VPS13A: variants seen among roughly 807,000 people sequenced by gnomAD.
VPS13A encodes vacuolar protein sorting 13 homolog A, also known as intermembrane lipid transfer protein VPS13A.
In VPS13A, 264 loss-of-function variants were observed where a neutral mutation model predicts 390.9. The observed-to-expected ratio is 0.68, with a 90% confidence interval of 0.61 to 0.75. The LOEUF is 0.75. Ranked by LOEUF, VPS13A falls within the 30% of genes least tolerant of loss-of-function variation. The probability of loss-of-function intolerance (pLI) is 0.00; values close to 1 mark genes in which losing one functional copy is unlikely to be tolerated. For missense variants in VPS13A, 3,409 were observed against 3,733.9 expected (o/e 0.91, Z 2.27); for synonymous variants, 1,231 against 1,227.1 (o/e 1.00, Z -0.07).
chr9:77,286,756 G>A (rs796854740), intron 31 of VPS13A, among the ~76,000 whole-genome samples: 7 of 152,298 alleles, frequency 4.6e-5, no homozygotes, highest in African/African-American at 1.7e-4. Context: ...TGGGTTCTCA[G>A]ATTGAGAGTA....
chr9:77,298,500 A>G (rs1010090588), intron 33 of VPS13A, among the ~76,000 whole-genome samples: 1 of 152,158 alleles, frequency 6.6e-6, no homozygotes, highest in Admixed American at 6.5e-5. Context: ...TCCTGCTGAT[A>G]TTGTTAACCA....
chr9:77,232,199 C>T (rs542621572), intron 17 of VPS13A, among the ~76,000 whole-genome samples: 1 of 152,262 alleles, frequency 6.6e-6, no homozygotes, highest in South Asian at 2.1e-4. Flanking sequence ...TGGGAAGTGT[C>T]TTCCCTATTT....
At chr9:77,273,175 A>T (rs971042546) in intron 23 of VPS13A, 105 bp from the exon 24 acceptor site, 13 of 848,190 alleles carry the variant, frequency 1.5e-5, no homozygotes, top group Non-Finnish European at 5.7e-6. Flanking sequence ...TTCAAATTGG[A>T]TAGCTTTTTG....
chr9:77,253,885 C>T (rs1403155934), intron 22 of VPS13A, among the ~76,000 whole-genome samples: 1 of 150,162 alleles, frequency 6.7e-6, no homozygotes, highest in Non-Finnish European at 1.5e-5. Context: ...ATCTTTGATC[C>T]ATTGAGTTAA....
At chr9:77,220,754 A>G (rs1823165944) in intron 12 of VPS13A, among the ~76,000 whole-genome samples, 1 of 152,054 alleles carries the variant, frequency 6.6e-6, no homozygotes, top group African/African-American at 2.4e-5. Flanking sequence ...TTAAACCTGT[A>G]TTTTAAAAGC....
intron 23 of VPS13A, among the ~76,000 whole-genome samples, chr9:77,264,533 A>G (rs1451665658): frequency 1.3e-5 from 2 of 152,038 alleles, no homozygotes; most frequent in Non-Finnish European, 2.9e-5. Context: ...TTGGATTCCT[A>G]GGTTATTTTA....
intron 24 of VPS13A, among the ~76,000 whole-genome samples, chr9:77,275,027 A>G (rs763924480): frequency 3.9e-5 from 6 of 152,104 alleles, no homozygotes; most frequent in Admixed American, 6.5e-5. Flanking sequence ...TATGTATACA[A>G]AGTAGTGCTT....
chr9:77,409,074 G>A (rs1376753739), intron 71 of VPS13A, among the ~76,000 whole-genome samples: 2 of 152,198 alleles, frequency 1.3e-5, no homozygotes, highest in African/African-American at 2.4e-5. Context: ...ACCTCACACG[G>A]CCAGGTACTC....
intron 52 of VPS13A, among the ~76,000 whole-genome samples, chr9:77,349,882 G>A (rs998986944): frequency 7.2e-5 from 11 of 152,094 alleles, no homozygotes; most frequent in Non-Finnish European, 1.5e-4. Flanking sequence ...GACCTCAGGT[G>A]ATCCACCTGC....
At chr9:77,379,065 CTTTTTTTTTTT>C (rs71503211) in intron 67 of VPS13A, among the ~76,000 whole-genome samples, 1 of 72,364 alleles carries the variant, frequency 1.4e-5, no homozygotes, top group Non-Finnish European at 2.4e-5. Context: ...ATTTTCAGTC[CTTTTTTTTTTT>C]TTTTTTTTTT....
intron 3 of VPS13A, among the ~76,000 whole-genome samples, chr9:77,203,720 A>G (rs1188277243): frequency 3.3e-5 from 5 of 152,178 alleles, no homozygotes; most frequent in Non-Finnish European, 7.3e-5. Context: ...TACTGTATGT[A>G]TTTTAAGCAG....
chr9:77,212,443 C>T (rs764685113), intron 7 of VPS13A, among the ~76,000 whole-genome samples: 2 of 152,046 alleles, frequency 1.3e-5, no homozygotes, highest in Non-Finnish European at 2.9e-5. Context: ...TATAACATCT[C>T]TTTATCCATC....
intron 68 of VPS13A, among the ~76,000 whole-genome samples, chr9:77,401,675 T>C (rs1250810091): frequency 1.3e-5 from 2 of 152,212 alleles, no homozygotes; most frequent in Admixed American, 6.5e-5. Flanking sequence ...CTTCTTCCTC[T>C]TAATATTTCT....
Position 77,201,370 on chromosome 9 carries a change from A to G in VPS13A, c.150A>G (p.Gln50=), listed in dbSNP as rs150034322. The change falls in exon 3 of 72, where the codon CAA becomes CAG. Residue 50 remains glutamine, a synonymous_variant. Coordinates refer to ENST00000360280, the MANE Select transcript of VPS13A (RefSeq NM_033305.3). ...NLQIKENALS[Q]LDVPFKVKVG... is the part of the protein sequence containing the mutation. ...TATATAAATTTTTTCTGTAGAGTCAACTGGATGTACCATTTAAAGTTAAAG... is the reference window on the plus strand; with the variant it reads ...TATATAAATTTTTTCTGTAGAGTCAGCTGGATGTACCATTTAAAGTTAAAG... The G allele has an allele frequency of 6.8e-6, 11 of 1,608,392 alleles. No homozygotes were observed. The highest frequency in any genetic ancestry group is 2.7e-5 in the African/African-American group (2 of 74,780).
At chr9:77,236,493 G>A (rs148225981) in intron 17 of VPS13A, among the ~76,000 whole-genome samples, 38 of 152,276 alleles carry the variant, frequency 2.5e-4, no homozygotes, top group Middle Eastern at 3.4e-3. Flanking sequence ...GATTGTTGAA[G>A]GATGTAGTTT....
intron 35 of VPS13A, among the ~76,000 whole-genome samples, chr9:77,312,537 C>T (rs1383431888): frequency 1.3e-5 from 2 of 152,046 alleles, no homozygotes; most frequent in Non-Finnish European, 2.9e-5. Context: ...CACCATTCTC[C>T]TGCCTCAGCC....
At chr9:77,362,859 ATTC>A (rs771695760) in intron 59 of VPS13A, among the ~76,000 whole-genome samples, 3 of 152,034 alleles carry the variant, frequency 2.0e-5, no homozygotes, top group African/African-American at 7.2e-5. Context: ...TATGTATTAT[ATTC>A]TTCTTATAGT....
chr9:77,286,059 T>A (rs535074545), intron 31 of VPS13A, among the ~76,000 whole-genome samples: 2 of 152,356 alleles, frequency 1.3e-5, no homozygotes, highest in East Asian at 3.9e-4. Flanking sequence ...GTTGGCAAGA[T>A]ACTTCATAGT....
At chr9:77,282,453 T>C (rs1827094378) in intron 29 of VPS13A, among the ~76,000 whole-genome samples, 179 bp downstream of exon 29, 1 of 152,160 alleles carries the variant, frequency 6.6e-6, no homozygotes, top group Non-Finnish European at 1.5e-5. Context: ...AGGAAACTAC[T>C]GGCGAAGAAA....
Sources: gnomAD v4.1 joint callset for allele counts (sites outside exome capture counted in the v4.1 genomes callset) on GRCh38, gnomAD v4.1.1 for gene constraint, MANE v1.5 for transcripts, NCBI Gene and HGNC (gene_info 2026-07-23, HGNC 2026-07-21) for gene names.